Variants in C1orf167 observed in about 807,000 individuals in gnomAD.
C1orf167 encodes chromosome 1 open reading frame 167.
Under a neutral mutation model 176.5 loss-of-function variants are expected in C1orf167, and 153 were observed. The ratio of observed to expected loss-of-function variants is 0.87; its 90% CI spans 0.76 to 0.99. C1orf167 has a LOEUF of 0.99. Ranked by LOEUF, C1orf167 falls within the 50% of genes least tolerant of loss-of-function variation. The pLI, the probability that C1orf167 is intolerant of heterozygous loss-of-function variation, is 0.00. For missense variants in C1orf167, 1,490 were observed against 1,817.7 expected, an observed-to-expected ratio of 0.82 and a Z score of 3.28; for synonymous variants, 594 against 752.7, an observed-to-expected ratio of 0.79 and a Z score of 3.45.
At position 11,785,232 on chromosome 1, in the gene C1orf167, G is replaced by A. The variant is rs1336012866; in HGVS notation, c.3510G>A (p.Arg1170=). ...ILTQLRPAEL[R]RFLRTVQLRV... The stretch of plus-strand genomic sequence containing the variant: ...CCCAGCTCCGGCCGGCTGAGCTCAG[G>A]CGCTTCCTGCGGACAGTGCAGCTCA... The change falls in exon 16 of 21, where the codon AGG becomes AGA. Residue 1170 remains arginine, a synonymous_variant. Coordinates refer to ENST00000688073, the MANE Select transcript of C1orf167 (RefSeq NM_001010881.2). 7.7e-7 allele frequency: 1 copy of A among 1,291,530 alleles called. No individual in the cohort carries two copies. Among genetic ancestry groups the A allele is most frequent in the Non-Finnish European group, 1.0e-6 (1 of 988,806 alleles). The allele number at this position is 1,291,530 out of a possible 1,614,324, so 80.0% of individuals were successfully genotyped here.
chr1:11,788,553 T>G, intron 19 of C1orf167, 99 bp from the exon 20 acceptor site: 1 of 1,161,208 alleles, frequency 8.6e-7, no homozygotes, highest in Admixed American at 2.3e-5. Flanking sequence ...CATAGCCCTT[T>G]CACTCTGGTG....
chr1:11,764,651 G>A (rs923457838), intron 2 of C1orf167, among the ~76,000 whole-genome samples, 181 bp downstream of exon 2: 2 of 152,238 alleles, frequency 1.3e-5, no homozygotes, highest in African/African-American at 4.8e-5. Flanking sequence ...AAGGAGGGGG[G>A]TCTTGGGAGA....
At chr1:11,771,049 G>GTGTGTGTGTATATATATA (rs1491322371) in intron 6 of C1orf167, among the ~76,000 whole-genome samples, 1 of 34,890 alleles carries the variant, frequency 2.9e-5, no homozygotes, top group East Asian at 8.5e-4. Flanking sequence ...GTGTGTGTGT[G>GTGTGTGTGTATATATATA]TATATATATA....
chr1:11,764,232 A>G (rs1642676809), intron 1 of C1orf167, 99 bp from the exon 2 acceptor site: 2 of 440,126 alleles, frequency 4.5e-6, no homozygotes, highest in Middle Eastern at 3.6e-4. Context: ...AGCTGGGACC[A>G]GGCCAAGAGC....
At chr1:11,775,661 T>G (rs1208754721) in intron 9 of C1orf167, 51 bp downstream of exon 9, 2 of 1,258,964 alleles carry the variant, frequency 1.6e-6, no homozygotes, top group African/African-American at 3.1e-5. Context: ...TTAAGCCCCT[T>G]CTTCAGTGGT....
intron 14 of C1orf167, 116 bp downstream of exon 14, chr1:11,782,449 G>C: frequency 1.0e-6 from 1 of 976,416 alleles, no homozygotes; most frequent in African/African-American, 1.8e-5. Flanking sequence ...CTGTGGCCTG[G>C]GAAAAAAGGG....
At chr1:11,784,639 C>G in intron 15 of C1orf167, 46 bp downstream of exon 15, 1 of 1,200,774 alleles carries the variant, frequency 8.3e-7, no homozygotes, top group Non-Finnish European at 1.1e-6. Context: ...GCTTCCAGCT[C>G]AGGCCTCAAG....
intron 8 of C1orf167, among the ~76,000 whole-genome samples, chr1:11,774,298 C>T (rs751985359): frequency 5.9e-5 from 9 of 152,128 alleles, no homozygotes; most frequent in Non-Finnish European, 1.0e-4. Flanking sequence ...CCTCCCACCT[C>T]GGCTTCCCTG....
intron 16 of C1orf167, 118 bp from the exon 17 acceptor site, chr1:11,787,270 A>G: frequency 5.4e-6 from 2 of 370,046 alleles, no homozygotes; most frequent in Non-Finnish European, 8.6e-6. Flanking sequence ...CACATGGGGG[A>G]ATGGGTGGAA....
At chr1:11,765,697 G>T (rs769530032) in intron 2 of C1orf167, among the ~76,000 whole-genome samples, 160 bp from the exon 3 acceptor site, 33 of 152,066 alleles carry the variant, frequency 2.2e-4, no homozygotes, top group Non-Finnish European at 4.4e-5. Flanking sequence ...GCTGCCCATG[G>T]CTTCACCCAG....
Position 11,762,223 on chromosome 1 carries a change from C to T in C1orf167, c.-153C>T, listed in dbSNP as rs1642538581. The T allele has an allele frequency of 2.2e-6, 1 of 446,440 alleles. No homozygotes were observed. Among genetic ancestry groups the T allele is most frequent in the South Asian group, 1.6e-5 (1 of 64,028 alleles). The allele number at this position is 446,440 out of a possible 1,614,324, so 27.7% of individuals were successfully genotyped here. A position where few individuals can be genotyped will look rare whatever the true frequency, so the allele number is the denominator to read the frequency against. ...CCCCTCCCGCCCGCGACCTGCCGAC[C>T]TGCGGGGATCGTTAGCGGTCCCAGC... On this transcript the variant is annotated 5_prime_UTR_variant, in exon 1 of 21. Coordinates refer to ENST00000688073, the MANE Select transcript of C1orf167 (RefSeq NM_001010881.2).
intron 20 of C1orf167, 89 bp from the exon 21 acceptor site, chr1:11,789,181 A>T: frequency 8.3e-7 from 1 of 1,201,542 alleles, no homozygotes; most frequent in Admixed American, 3.3e-5. Context: ...GGACAAAAGG[A>T]GCTGGGTACA....
chr1:11,777,313 A>C (rs1162338456), intron 10 of C1orf167: 1 of 152,700 alleles, frequency 6.5e-6, no homozygotes, highest in Non-Finnish European at 1.5e-5. Context: ...AGCTTCCCGG[A>C]GGGGATGTCA....
In C1orf167 at chr1:11,768,917, C is replaced by T; in HGVS notation, c.1543-56C>T. The T allele has an allele frequency of 1.0e-6, 1 of 984,244 alleles. No individual in the cohort carries two copies. Among genetic ancestry groups the T allele is most frequent in the Non-Finnish European group, 1.2e-6 (1 of 828,446 alleles). 61.0% of individuals were successfully genotyped at this position (984,244 alleles called of 1,614,324 possible). On this transcript the variant is annotated intron_variant, in intron 5 of 20. Transcript: ENST00000688073. The surrounding 1 kb of genome is among the most constrained non-coding windows in gnomAD (Gnocchi z 4.5). ...CCTGTCCCCGCCCCTGCCTGGTGTT[C>T]CCTTGGGAGGCAGATTCAAGGCCAA...
At chr1:11,777,094 T>C (rs1232606707) in intron 10 of C1orf167, 1 of 152,976 alleles carries the variant, frequency 6.5e-6, no homozygotes, top group East Asian at 1.9e-4. Flanking sequence ...ATCAAGCTTT[T>C]ATCTCCTCTC....
rs921992250 is a variant in C1orf167, at chr1:11,766,084, C to A, written c.298C>A (p.Gln100Lys). The A allele has an allele frequency of 7.8e-7, 1 of 1,289,786 alleles. No homozygotes were observed. Among genetic ancestry groups the A allele is most frequent in the African/African-American group, 1.5e-5 (1 of 65,880 alleles). The allele number at this position is 1,289,786 out of a possible 1,614,324, so 79.9% of individuals were successfully genotyped here. A position where few individuals can be genotyped will look rare whatever the true frequency, so the allele number is the denominator to read the frequency against. The change falls in exon 3 of 21, where the codon CAA becomes AAA. Residue 100 changes from glutamine (Q) to lysine (K), a missense_variant. Gln to Lys is a moderately conservative substitution (Grantham distance 53). Transcript: ENST00000688073. This position sits in a 1 kb window ranked among gnomAD's most constrained non-coding sequence, Gnocchi z 4.5. ...CCAACTGGTCAATTCAAGCTTCTGGCAACAGAGCAACCTGCAGTCCCTGGC... is the reference window on the plus strand; with the variant it reads ...CCAACTGGTCAATTCAAGCTTCTGGAAACAGAGCAACCTGCAGTCCCTGGC... Reference protein sequence around the residue: ...TGQLVNSSFWQQSNLQSLARR... With the variant: ...TGQLVNSSFWKQSNLQSLARR...
intron 14 of C1orf167, 128 bp downstream of exon 14, chr1:11,782,461 C>A: frequency 1.1e-6 from 1 of 922,010 alleles, no homozygotes; most frequent in Non-Finnish European, 1.4e-6. Flanking sequence ...AAAAAAGGGG[C>A]ATGAAGGGAG....
chr1:11,767,712 G>A (rs971935239), intron 4 of C1orf167, among the ~76,000 whole-genome samples: 1 of 152,152 alleles, frequency 6.6e-6, no homozygotes, highest in Non-Finnish European at 1.5e-5. Context: ...TGTAGTCTCA[G>A]CTACGCAGGA....
Position 11,766,412 on chromosome 1 carries a change from C to A in C1orf167, c.626C>A (p.Ser209Tyr). 7.8e-7 allele frequency: 1 copy of A among 1,278,534 alleles called. No homozygotes were observed. Among genetic ancestry groups the A allele is most frequent in the Non-Finnish European group, 1.0e-6 (1 of 983,194 alleles). 79.2% of individuals were successfully genotyped at this position (1,278,534 alleles called of 1,614,324 possible). Residue 209 changes from serine to tyrosine, a missense_variant, in exon 3 of 21, where the codon TCC (serine) becomes TAC (tyrosine). Coordinates refer to ENST00000688073, the MANE Select transcript of C1orf167 (RefSeq NM_001010881.2). This position sits in a 1 kb window ranked among gnomAD's most constrained non-coding sequence, Gnocchi z 4.5. ...RSWGGLGSWRSRLVGEPLTLE... is the reference protein window; with the variant it reads ...RSWGGLGSWRYRLVGEPLTLE... ...TGGGGTGGTCTGGGGAGCTGGAGGT[C>A]CAGGCTGGTGGGGGAACCTCTCACC...
Sources: gnomAD v4.1 joint callset for allele counts (sites outside exome capture counted in the v4.1 genomes callset) on GRCh38, gnomAD v4.1.1 for gene constraint, Gnocchi (gnomAD v3.1) non-coding constraint, MANE v1.5 for transcripts, NCBI Gene and HGNC (gene_info 2026-07-23, HGNC 2026-07-21) for gene names.